CCDC191: variants seen among roughly 807,000 people sequenced by gnomAD.
CCDC191 encodes coiled-coil domain-containing protein 191.
CCDC191 carries 99 observed loss-of-function variants against 114.0 expected under a neutral mutation model. That is an observed-to-expected ratio of 0.87 (90% CI 0.74 to 1.03). The LOEUF is 1.03. CCDC191 is among the 50% of genes least tolerant of loss of function. The pLI is 0.00. For missense variants in CCDC191, 973 were observed against 1,087.0 expected (o/e 0.90, Z 1.47); for synonymous variants, 351 against 376.0 (o/e 0.93, Z 0.77).
chr3:114,003,367 A>G, intron 11 of CCDC191: 2 of 985,302 alleles, frequency 2.0e-6, no homozygotes, highest in Non-Finnish European at 2.4e-6. Context: ...GAATTAATAA[A>G]CAAAAAACTC....
At chr3:114,006,204 G>A (rs1230826205) in intron 9 of CCDC191, among the ~76,000 whole-genome samples, 5 of 151,460 alleles carry the variant, frequency 3.3e-5, no homozygotes, top group African/African-American at 4.9e-5. Flanking sequence ...ATCCCAGCAC[G>A]TTGGGAGGCC....
rs756342644 is a variant in CCDC191 at position 113,978,848 on chromosome 3, A to C, written c.2460+10T>G. The C allele has an allele frequency of 6.2e-7, 1 of 1,612,218 alleles. No homozygotes were observed. On this transcript the variant is annotated intron_variant, in intron 15 of 16. Coordinates refer to ENST00000295878, the MANE Select transcript of CCDC191 (RefSeq NM_020817.2). ...AGATGTATTTAAGGTACCCTTCCCT[A>C]TGTCCTTACCTGTAGCCAGCTCTGG...
At chr3:113,997,399 C>T (rs994902248) in intron 13 of CCDC191, among the ~76,000 whole-genome samples, 1 of 152,060 alleles carries the variant, frequency 6.6e-6, no homozygotes, top group Non-Finnish European at 1.5e-5. Flanking sequence ...ACATATATTA[C>T]CTACCTCCAA....
intron 13 of CCDC191, 33 bp downstream of exon 13, chr3:114,001,562 G>A: frequency 1.2e-6 from 2 of 1,611,674 alleles, no homozygotes; most frequent in African/African-American, 2.7e-5. Flanking sequence ...CAAACCTCAA[G>A]ATACAGGGAC....
chr3:113,966,160 A>C (rs1186617115), intron 16 of CCDC191, among the ~76,000 whole-genome samples: 1 of 152,166 alleles, frequency 6.6e-6, no homozygotes, highest in Non-Finnish European at 1.5e-5. Context: ...ACATATTTTA[A>C]AAGCCTGCTG....
chr3:114,005,066 T>C (rs2075926831), intron 10 of CCDC191, among the ~76,000 whole-genome samples: 1 of 152,168 alleles, frequency 6.6e-6, no homozygotes, highest in Non-Finnish European at 1.5e-5. Flanking sequence ...TACGTGGCTT[T>C]TGAGAAACTT....
intron 6 of CCDC191, among the ~76,000 whole-genome samples, chr3:114,033,254 C>A (rs555189982): frequency 1.3e-5 from 2 of 151,892 alleles, no homozygotes; most frequent in African/African-American, 2.4e-5. Context: ...TGTGCCACCA[C>A]GCCCATAAAA....
Position 114,018,862 on chromosome 3 carries a change from T to C in CCDC191, c.979A>G (p.Lys327Glu). The change falls in exon 8 of 17, where the codon AAA becomes GAA. Residue 327 changes from lysine (K) to glutamate (E), a missense_variant. Coordinates refer to ENST00000295878, the MANE Select transcript of CCDC191 (RefSeq NM_020817.2). ...QTFKENQQCQ[K>E]RYFAAWHKLI... ...TTGTGCCAGGCAGCGAAATACCGTT[T>C]TTGACACTGCAGCGGAAATATTAGG... 6.2e-7 allele frequency: 1 copy of C among 1,613,434 alleles called. No homozygotes were observed.
At chr3:114,017,422 T>C (rs1393273170) in intron 8 of CCDC191, among the ~76,000 whole-genome samples, 1 of 152,184 alleles carries the variant, frequency 6.6e-6, no homozygotes, top group East Asian at 1.9e-4. Flanking sequence ...ACAATACTCC[T>C]CAACACCTGT....
intron 7 of CCDC191, among the ~76,000 whole-genome samples, chr3:114,025,259 C>CA (rs111848172): frequency 0.084 from 8,760 of 104,366 alleles, 347 homozygotes; most frequent in African/African-American, 0.16. Context: ...TTCAACTTAC[C>CA]AAAAAAAAAA....
intron 4 of CCDC191, 26 bp from the exon 5 acceptor site, chr3:114,036,812 G>A: frequency 1.4e-6 from 2 of 1,463,828 alleles, no homozygotes; most frequent in East Asian, 5.0e-5. Flanking sequence ...CAACAAAAAA[G>A]GGAATTTTTT....
chr3:114,027,264 C>T (rs575121356), intron 7 of CCDC191, among the ~76,000 whole-genome samples: 2 of 152,310 alleles, frequency 1.3e-5, no homozygotes, highest in South Asian at 4.1e-4. Context: ...TCTCAGTCTC[C>T]TATTAAATAA....
chr3:114,030,475 A>C (rs2076389220), intron 7 of CCDC191, among the ~76,000 whole-genome samples: 1 of 152,138 alleles, frequency 6.6e-6, no homozygotes, highest in South Asian at 2.1e-4. Context: ...CATCTGTCTC[A>C]TGAAGAATGC....
intron 4 of CCDC191, among the ~76,000 whole-genome samples, chr3:114,041,361 C>T (rs758792555): frequency 6.6e-6 from 1 of 152,160 alleles, no homozygotes; most frequent in Non-Finnish European, 1.5e-5. Context: ...ATGGTAACAA[C>T]TCCTACAAAA....
At chr3:113,975,090 A>T (rs1180327013) in intron 16 of CCDC191, among the ~76,000 whole-genome samples, 2 of 152,110 alleles carry the variant, frequency 1.3e-5, no homozygotes, top group Non-Finnish European at 2.9e-5. Context: ...GCATGTATGC[A>T]TTTTCTGGGG....
At chr3:113,976,826 T>C (rs571441015) in intron 16 of CCDC191, among the ~76,000 whole-genome samples, 1 of 152,258 alleles carries the variant, frequency 6.6e-6, no homozygotes, top group Admixed American at 6.5e-5. Context: ...ACATAGATAT[T>C]GAGTCCTAAA....
At chr3:113,987,275 G>A (rs969270184) in intron 13 of CCDC191, among the ~76,000 whole-genome samples, 1 of 152,090 alleles carries the variant, frequency 6.6e-6, no homozygotes, top group African/African-American at 2.4e-5. Context: ...AAATGGTAAA[G>A]AAAGTTCTTC....
chr3:113,992,201 T>TCC (rs773055079), intron 13 of CCDC191, among the ~76,000 whole-genome samples: 8 of 151,970 alleles, frequency 5.3e-5, no homozygotes, highest in Non-Finnish European at 1.2e-4. Flanking sequence ...AGGTCACCCC[T>TCC]CCCCCAAGGC....
At chr3:114,034,004 G>C (rs1277416193) in intron 6 of CCDC191, among the ~76,000 whole-genome samples, 1 of 152,234 alleles carries the variant, frequency 6.6e-6, no homozygotes, top group African/African-American at 2.4e-5. Flanking sequence ...GGCTTTTGCA[G>C]TTCCTGCATC....
Sources: allele counts gnomAD v4.1 joint callset (sites outside exome capture counted in the v4.1 genomes callset), GRCh38; gene constraint gnomAD v4.1.1; transcripts MANE v1.5; gene names NCBI Gene and HGNC (gene_info 2026-07-23, HGNC 2026-07-21).